GOLM2: variants seen among roughly 807,000 people sequenced by gnomAD.
GOLM2 encodes the protein golgi membrane protein 2, also known as protein GOLM2.
A neutral mutation model predicts 55.9 loss-of-function variants in GOLM2; 26 were observed. That is an observed-to-expected ratio of 0.47 (90% CI 0.34 to 0.65). The LOEUF (loss-of-function observed/expected upper bound fraction) is 0.65. Among genes scored for constraint, GOLM2 ranks in the 30% least tolerant of loss-of-function variants. GOLM2 has a pLI of 0.01. For synonymous variants in GOLM2, 165 were observed against 194.6 expected (o/e 0.85, Z 1.27); for missense variants, 486 against 531.8 (o/e 0.91, Z 0.85).
intron 8 of GOLM2, among the ~76,000 whole-genome samples, chr15:44,388,755 C>T (rs886506921): frequency 6.6e-6 from 1 of 152,188 alleles, no homozygotes. Context: ...TCAAATCATC[C>T]TCCTGCCTTA....
intron 8 of GOLM2, chr15:44,390,369 CCCA>C (rs2079479054): frequency 6.6e-6 from 1 of 152,098 alleles, no homozygotes; most frequent in Non-Finnish European, 1.5e-5. Flanking sequence ...AATGTCAGCT[CCCA>C]TATGGAAAGT....
intron 1 of GOLM2, among the ~76,000 whole-genome samples, chr15:44,319,611 G>A (rs2078935567): frequency 1.3e-5 from 2 of 152,040 alleles, no homozygotes; most frequent in Non-Finnish European, 2.9e-5. Context: ...TTTTGAGACA[G>A]GGTCTCGCTC....
At chr15:44,350,227 C>T (rs970836033) in intron 6 of GOLM2, among the ~76,000 whole-genome samples, 2 of 151,904 alleles carry the variant, frequency 1.3e-5, no homozygotes, top group African/African-American at 4.8e-5. Context: ...ATAAAACTGA[C>T]AAACTTTTAG....
intron 6 of GOLM2, among the ~76,000 whole-genome samples, chr15:44,339,513 AT>A (rs2079077606): frequency 6.6e-6 from 1 of 151,096 alleles, no homozygotes; most frequent in African/African-American, 2.4e-5. Context: ...TAATTTTTGT[AT>A]TTTCAGTAGA....
In GOLM2 at chr15:44,289,062, C is replaced by G. The variant is rs1412864514; in HGVS notation, c.33C>G (p.Gly11=). 2 of 1,613,696 alleles carry G rather than the reference C, an allele frequency of 1.2e-6. No individual in the cohort carries two copies. The highest frequency in any genetic ancestry group is 1.7e-6 in the Non-Finnish European group (2 of 1,179,822). Residue 11 remains glycine, a synonymous_variant, in exon 1 of 10, where the codon GGC becomes GGG. Coordinates refer to ENST00000299957, the MANE Select transcript of GOLM2 (RefSeq NM_138423.4). This position sits in a 1 kb window ranked among gnomAD's most constrained non-coding sequence, Gnocchi z 4.8. MVGFGANRRA[G]RLPSLVLVVL... Reference sequence around the variant, plus strand: ...GTTTCGGGGCCAACCGGCGGGCTGGCCGCCTGCCCTCTCTCGTGCTGGTGG... The same window carrying G: ...GTTTCGGGGCCAACCGGCGGGCTGGGCGCCTGCCCTCTCTCGTGCTGGTGG...
At chr15:44,332,964 C>T (rs1406535784) in intron 4 of GOLM2, among the ~76,000 whole-genome samples, 2 of 152,198 alleles carry the variant, frequency 1.3e-5, no homozygotes, top group South Asian at 2.1e-4. Flanking sequence ...GATGGAGTCT[C>T]GCTCTGTCGC....
rs2079067925 is a variant in GOLM2 at position 44,337,887 on chromosome 15, A to G, written c.701A>G (p.Asn234Ser). 6.3e-7 allele frequency: 1 copy of G among 1,596,692 alleles called. No homozygotes were observed. Among genetic ancestry groups the G allele is most frequent in the Admixed American group, 1.9e-5 (1 of 53,746 alleles). Residue 234 changes from asparagine to serine, a missense_variant, in exon 5 of 10, where the codon AAT becomes AGT. By Grantham distance (46) the Asn-to-Ser change is conservative (BLOSUM62 1). Transcript: ENST00000299957. ...VADKNEEPSS[N>S]HIPHGKEQIK... ...GATAAGAATGAAGAACCCTCAAGCA[A>G]TCATATTCCACATGGGAAAGGTATT...
At chr15:44,296,034 T>TTC (rs770609668) in intron 1 of GOLM2, among the ~76,000 whole-genome samples, 1 of 152,162 alleles carries the variant, frequency 6.6e-6, no homozygotes, top group Non-Finnish European at 1.5e-5. Context: ...TTGATTATTA[T>TTC]TCTCTCTCTC....
intron 6 of GOLM2, among the ~76,000 whole-genome samples, chr15:44,349,240 C>T (rs557007790): frequency 3.4e-5 from 4 of 116,004 alleles, no homozygotes; most frequent in African/African-American, 9.9e-5. Context: ...GCCTGGGCAA[C>T]AAGAGTGAAA....
At chr15:44,349,861 CAT>C (rs1291223696) in intron 6 of GOLM2, among the ~76,000 whole-genome samples, 1 of 152,120 alleles carries the variant, frequency 6.6e-6, no homozygotes, top group Non-Finnish European at 1.5e-5. Context: ...TATACAAACA[CAT>C]GGAAATTAAA....
chr15:44,332,726 T>C (rs1480582692), intron 4 of GOLM2, among the ~76,000 whole-genome samples: 1 of 152,140 alleles, frequency 6.6e-6, no homozygotes, highest in East Asian at 1.9e-4. Flanking sequence ...AAAGAAACAC[T>C]TTTTCCTTTA....
chr15:44,334,393 C>G (rs2079042722), intron 4 of GOLM2, among the ~76,000 whole-genome samples: 1 of 152,114 alleles, frequency 6.6e-6, no homozygotes, highest in African/African-American at 2.4e-5. Context: ...AGGGATTTAT[C>G]TTTTTGTTTT....
chr15:44,372,425 G>C (rs545694110), intron 6 of GOLM2, among the ~76,000 whole-genome samples: 67 of 152,262 alleles, frequency 4.4e-4, no homozygotes, highest in African/African-American at 1.5e-3. Flanking sequence ...GAAAAGGCAG[G>C]ATCAGTTCTT....
At position 44,288,771 on chromosome 15, in the gene GOLM2, C is replaced by G; in HGVS notation, c.-259C>G. 1 of 506,686 alleles carries G rather than the reference C, an allele frequency of 2.0e-6. No individual in the cohort carries two copies. The highest frequency in any genetic ancestry group is 3.5e-6 in the Non-Finnish European group (1 of 288,236). 31.4% of individuals were successfully genotyped at this position (506,686 alleles called of 1,614,324 possible). ...TTTGGGGGACGCTGGCAGCTGGGTT[C>G]TCCCGGTTCCCTTGGGCAGGTGCAG... On this transcript the variant is annotated 5_prime_UTR_variant, in exon 1 of 10. Transcript: ENST00000299957.
intron 9 of GOLM2, among the ~76,000 whole-genome samples, chr15:44,412,738 C>G (rs537509264): frequency 6.6e-6 from 1 of 152,114 alleles, no homozygotes; most frequent in Non-Finnish European, 1.5e-5. Context: ...CACTGTGGCT[C>G]ACGCCTGTAA....
At position 44,323,018 on chromosome 15, in the gene GOLM2, G is replaced by A; in HGVS notation, c.381G>A (p.Lys127=). 5 of 1,567,814 alleles carry A rather than the reference G, an allele frequency of 3.2e-6. No individual in the cohort carries two copies. The highest frequency in any genetic ancestry group is 4.3e-6 in the Non-Finnish European group (5 of 1,159,246). ...SYQMADIHHL[K]EQLAELRQEF... ...AGATGGCAGACATACATCATTTAAA[G>A]GGTAAGAACCTTAATTCCAGATTAA... Residue 127 remains lysine, a splice_region_variant and synonymous_variant, in exon 2 of 10, where the codon AAG becomes AAA. Coordinates refer to ENST00000299957, the MANE Select transcript of GOLM2 (RefSeq NM_138423.4).
intron 2 of GOLM2, among the ~76,000 whole-genome samples, chr15:44,325,687 C>G (rs1595626797): frequency 6.6e-6 from 1 of 152,212 alleles, no homozygotes; most frequent in South Asian, 2.1e-4. Context: ...ACTATCCAGC[C>G]TGAGCACAGG....
chr15:44,363,653 G>A (rs1335374437), intron 6 of GOLM2, among the ~76,000 whole-genome samples: 1 of 152,072 alleles, frequency 6.6e-6, no homozygotes, highest in Non-Finnish European at 1.5e-5. Flanking sequence ...CAGGGATCTA[G>A]AACTAGAAAT....
chr15:44,379,721 A>G lies in GOLM2; in HGVS notation c.834A>G (p.Gln278=). 2 of 1,611,270 alleles carry G rather than the reference A, an allele frequency of 1.2e-6. No homozygotes were observed. Among genetic ancestry groups the G allele is most frequent in the Non-Finnish European group, 1.7e-6 (2 of 1,178,370 alleles). ...GGAAGCCTCCTATTTCAGTTTCTCA[A>G]CATGAAAGTCATCAAGCAATCTCCC... ...ALRKPPISVS[Q]HESHQAISHL... The change falls in exon 7 of 10, where the codon CAA becomes CAG. Residue 278 remains glutamine (Q), a synonymous_variant. Transcript: ENST00000299957.
Sources: allele counts gnomAD v4.1 joint callset (sites outside exome capture counted in the v4.1 genomes callset), GRCh38; gene constraint gnomAD v4.1.1; non-coding constraint Gnocchi (gnomAD v3.1); transcripts MANE v1.5; gene names NCBI Gene and HGNC (gene_info 2026-07-23, HGNC 2026-07-21).